Variants in COG5 observed in about 807,000 individuals in gnomAD.
COG5 encodes the protein component of oligomeric golgi complex 5, also known as conserved oligomeric Golgi complex subunit 5.
In COG5, 86 loss-of-function variants were observed where a neutral mutation model predicts 110.4. That is an observed-to-expected ratio of 0.78 (90% confidence interval 0.65 to 0.93). The LOEUF (loss-of-function observed/expected upper bound fraction) is 0.93, where lower values mean the gene tolerates loss of function less well. Ranked by LOEUF, COG5 falls within the 40% of genes least tolerant of loss-of-function variation. The pLI is 0.00. For synonymous variants in COG5, 360 were observed against 334.6 expected, an observed-to-expected ratio of 1.08 and a Z score of -0.83; for missense variants, 1,077 against 987.0, an observed-to-expected ratio of 1.09 and a Z score of -1.22.
chr7:107,351,104 T>C (rs2129041316), intron 10 of COG5, among the ~76,000 whole-genome samples: 1 of 152,272 alleles, frequency 6.6e-6, no homozygotes, highest in East Asian at 1.9e-4. Context: ...TCCTCTAACC[T>C]TTACAGATAA....
At chr7:107,329,539 T>A (rs1810066536) in intron 10 of COG5, among the ~76,000 whole-genome samples, 1 of 152,128 alleles carries the variant, frequency 6.6e-6, no homozygotes, top group African/African-American at 2.4e-5. Context: ...ATAGTAAATC[T>A]ATATCTCCTA....
At chr7:107,216,735 G>A (rs1415522756) in intron 19 of COG5, among the ~76,000 whole-genome samples, 1 of 152,096 alleles carries the variant, frequency 6.6e-6, no homozygotes, top group African/African-American at 2.4e-5. Flanking sequence ...CAAAACGTAT[G>A]GGATACAGCA....
chr7:107,372,232 C>T (rs893889669), intron 8 of COG5, among the ~76,000 whole-genome samples: 24 of 152,126 alleles, frequency 1.6e-4, no homozygotes, highest in African/African-American at 2.9e-4. Flanking sequence ...AAAGTAGAGA[C>T]GGCATTCCTT....
chr7:107,380,429 GAAGAA>G (rs1815014705), intron 7 of COG5, among the ~76,000 whole-genome samples: 2 of 151,930 alleles, frequency 1.3e-5, no homozygotes, highest in South Asian at 4.2e-4. Flanking sequence ...GACTAATAAA[GAAGAA>G]AAGAAAGAAG....
At chr7:107,300,907 TAA>T (rs908985358) in intron 11 of COG5, among the ~76,000 whole-genome samples, 2 of 152,018 alleles carry the variant, frequency 1.3e-5, no homozygotes, top group Non-Finnish European at 2.9e-5. Context: ...TCAAGACATA[TAA>T]AACTATAATA....
intron 5 of COG5, among the ~76,000 whole-genome samples, chr7:107,530,201 A>T (rs909263345): frequency 1.3e-5 from 2 of 152,218 alleles, no homozygotes; most frequent in African/African-American, 4.8e-5. Flanking sequence ...TCCTACAAGC[A>T]TCACCCTAAT....
At chr7:107,553,063 G>T (rs1803043957) in intron 3 of COG5, among the ~76,000 whole-genome samples, 1 of 152,096 alleles carries the variant, frequency 6.6e-6, no homozygotes, top group South Asian at 2.1e-4. Context: ...TAAACATTGG[G>T]TACTCATAGA....
At chr7:107,376,095 C>A (rs1392573016) in intron 7 of COG5, among the ~76,000 whole-genome samples, 2 of 151,988 alleles carry the variant, frequency 1.3e-5, no homozygotes, top group Non-Finnish European at 2.9e-5. Context: ...GAAAAGTCAC[C>A]TTTGCAATAA....
rs547607267 is a variant in COG5 at position 107,263,767 on chromosome 7, A to G, written c.1576-5384T>C. On this transcript the variant is annotated intron_variant, in intron 14 of 21. Transcript: ENST00000297135. The stretch of plus-strand genomic sequence containing the variant: ...TCATTAGGAACAGCATGTGAATTCA[A>G]TGTGTGAGAAACAACTGATGAGACT... Among the ~76,000 whole-genome samples, 5 of 152,344 alleles carry G rather than the reference A, an allele frequency of 3.3e-5. No individual in the cohort carries two copies. In the South Asian group the frequency reaches 1.0e-3, roughly 32 times the overall value.
chr7:107,511,668 C>A (rs983799623), intron 6 of COG5, among the ~76,000 whole-genome samples: 1 of 152,188 alleles, frequency 6.6e-6, no homozygotes, highest in Non-Finnish European at 1.5e-5. Context: ...CAAACCGAAT[C>A]CAGCAGCACA....
At chr7:107,464,228 C>T (rs1796168890) in intron 6 of COG5, among the ~76,000 whole-genome samples, 1 of 152,160 alleles carries the variant, frequency 6.6e-6, no homozygotes, top group African/African-American at 2.4e-5. Flanking sequence ...TTAGTCTACC[C>T]AAAGCTCCAC....
chr7:107,235,942 C>G (rs114610933), intron 18 of COG5, among the ~76,000 whole-genome samples: 2,259 of 152,268 alleles, frequency 0.015, 53 homozygotes, highest in African/African-American at 0.052. Flanking sequence ...AGGCTAGCCA[C>G]AGAGAAGAAC....
intron 10 of COG5, among the ~76,000 whole-genome samples, chr7:107,327,643 T>C (rs1449279347): frequency 6.6e-6 from 1 of 151,610 alleles, no homozygotes; most frequent in Non-Finnish European, 1.5e-5. Context: ...AGGACTTGAG[T>C]AGACACTTCT....
intron 6 of COG5, among the ~76,000 whole-genome samples, chr7:107,462,611 T>A (rs1277727486): frequency 9.6e-4 from 108 of 111,938 alleles, no homozygotes; most frequent in South Asian, 3.2e-3. Context: ...GAAAAATGCC[T>A]AAAAAAAAAA....
chr7:107,480,512 G>A (rs1248949161), intron 6 of COG5, among the ~76,000 whole-genome samples: 1 of 152,020 alleles, frequency 6.6e-6, no homozygotes, highest in Non-Finnish European at 1.5e-5. Flanking sequence ...AAAGTAAGGA[G>A]ATAAAAGAAC....
chr7:107,540,930 C>T (rs901670452), intron 5 of COG5, among the ~76,000 whole-genome samples: 1 of 151,690 alleles, frequency 6.6e-6, no homozygotes, highest in African/African-American at 2.4e-5. Flanking sequence ...GCAGGCGGAT[C>T]ACCTGAGGTC....
At chr7:107,469,229 C>T (rs1034364869) in intron 6 of COG5, among the ~76,000 whole-genome samples, 3 of 151,448 alleles carry the variant, frequency 2.0e-5, no homozygotes, top group Non-Finnish European at 4.4e-5. Context: ...ATTTAAGAAA[C>T]AGCAATCTAC....
chr7:107,275,215 A>T (rs1256070759), intron 14 of COG5, among the ~76,000 whole-genome samples: 1 of 151,808 alleles, frequency 6.6e-6, no homozygotes, highest in Non-Finnish European at 1.5e-5. Flanking sequence ...TCACTTTGGG[A>T]GGCCGAGGTG....
intron 6 of COG5, among the ~76,000 whole-genome samples, chr7:107,424,947 T>C (rs147409586): frequency 1.7e-3 from 252 of 152,272 alleles, no homozygotes; most frequent in African/African-American, 5.8e-3. Context: ...ATAGGTGTTA[T>C]AACTTAAGGG....
Sources: allele counts gnomAD v4.1 joint callset (sites outside exome capture counted in the v4.1 genomes callset), GRCh38; gene constraint gnomAD v4.1.1; transcripts MANE v1.5; gene names NCBI Gene and HGNC (gene_info 2026-07-23, HGNC 2026-07-21).